The following MSTO1 variants were observed in gnomAD, a reference collection of about 807,000 sequenced individuals.
The protein encoded by MSTO1 is protein misato homolog 1.
MSTO1 carries 24 observed loss-of-function variants against 55.7 expected under a neutral mutation model. The observed-to-expected ratio is 0.43, with a 90% confidence interval of 0.31 to 0.61. The LOEUF (loss-of-function observed/expected upper bound fraction) is 0.61. Among genes scored for constraint, MSTO1 ranks in the 20% least tolerant of loss-of-function variants. The pLI is 0.09. For synonymous variants in MSTO1, 162 were observed against 252.8 expected (o/e 0.64, Z 3.41); for missense variants, 363 against 625.7 (o/e 0.58, Z 4.48).
chr1:155,569,951 G>A, the MSTO1 span, among the ~76,000 whole-genome samples: 2 of 152,042 alleles, frequency 1.3e-5, no homozygotes, highest in African/African-American at 2.4e-5. Context: ...CAATATTATT[G>A]ATATTGCTAA....
At chr1:155,600,128 C>A in the MSTO1 span, among the ~76,000 whole-genome samples, 3 of 152,210 alleles carry the variant, frequency 2.0e-5, no homozygotes, top group East Asian at 1.9e-4. Flanking sequence ...TCCCTTCCCA[C>A]GAGGCCATAT....
chr1:155,604,511 G>T, the MSTO1 span, among the ~76,000 whole-genome samples: 4 of 152,196 alleles, frequency 2.6e-5, no homozygotes, highest in African/African-American at 9.7e-5. Context: ...GAATGGAAAT[G>T]AGAAAGTAAT....
chr1:155,565,312 GAAAAA>G, the MSTO1 span, among the ~76,000 whole-genome samples: 1 of 146,064 alleles, frequency 6.8e-6, no homozygotes. Context: ...AAAAAAAAAA[GAAAAA>G]GAAAAGAAAT....
upstream of MSTO1, among the ~76,000 whole-genome samples, chr1:155,608,974 C>A (rs1571203509): frequency 6.7e-6 from 1 of 148,538 alleles, no homozygotes; most frequent in African/African-American, 2.5e-5. Context: ...CAAGGGCCCG[C>A]CACCACGCCC....
chr1:155,610,369 C>T (rs1673572098), intron 1 of MSTO1, 37 bp downstream of exon 1: 1 of 805,662 alleles, frequency 1.2e-6, no homozygotes, highest in Middle Eastern at 3.7e-4. Flanking sequence ...AGGAGCCCTT[C>T]GGGATCTACA....
chr1:155,602,215 A>T, the MSTO1 span: 1 of 629,986 alleles, frequency 1.6e-6, no homozygotes, highest in Non-Finnish European at 3.1e-6. Context: ...TTTGTGGCTC[A>T]CACCTGTAAT....
upstream of MSTO1, among the ~76,000 whole-genome samples, chr1:155,609,221 A>T (rs1183106123): frequency 2.6e-5 from 2 of 78,278 alleles, no homozygotes; most frequent in Non-Finnish European, 4.5e-5. Context: ...TCAGCAGTAT[A>T]TATATATATA....
At chr1:155,590,798 G>A in the MSTO1 span, 3 of 1,606,160 alleles carry the variant, frequency 1.9e-6, no homozygotes, top group African/African-American at 4.0e-5. Flanking sequence ...TCCCACTTTT[G>A]GGCCTCAGCC....
the MSTO1 span, among the ~76,000 whole-genome samples, chr1:155,583,032 A>G: frequency 1.3e-5 from 2 of 150,838 alleles, no homozygotes; most frequent in Non-Finnish European, 3.0e-5. Context: ...TGCCTGGCAA[A>G]TTAAAAAAAA....
chr1:155,571,820 G>A, the MSTO1 span, among the ~76,000 whole-genome samples: 1 of 152,002 alleles, frequency 6.6e-6, no homozygotes, highest in Non-Finnish European at 1.5e-5. Flanking sequence ...GGCCGAGGAG[G>A]GCAGATCACT....
chr1:155,602,816 G>A, the MSTO1 span, among the ~76,000 whole-genome samples: 1 of 151,732 alleles, frequency 6.6e-6, no homozygotes, highest in South Asian at 2.1e-4. Flanking sequence ...CCAATCCCTC[G>A]CAAGCACATT....
the MSTO1 span, among the ~76,000 whole-genome samples, chr1:155,593,470 A>G: frequency 6.6e-5 from 10 of 152,222 alleles, no homozygotes; most frequent in Non-Finnish European, 1.5e-4. Context: ...CTGGTTCACC[A>G]TCTACTAACT....
chr1:155,600,226 T>C, the MSTO1 span, among the ~76,000 whole-genome samples: 1 of 152,242 alleles, frequency 6.6e-6, no homozygotes, highest in East Asian at 1.9e-4. Context: ...GTTTTGTGTC[T>C]CTGGGTACTT....
chr1:155,567,903 G>A, the MSTO1 span, among the ~76,000 whole-genome samples: 1 of 151,544 alleles, frequency 6.6e-6, no homozygotes, highest in African/African-American at 2.4e-5. Flanking sequence ...TGGGCATGGT[G>A]GTGGGCGCGT....
the MSTO1 span, chr1:155,602,122 C>G: frequency 4.2e-6 from 3 of 710,678 alleles, no homozygotes; most frequent in South Asian, 4.1e-5. Flanking sequence ...CCAACTACAA[C>G]AAACAGCGCT....
upstream of MSTO1, among the ~76,000 whole-genome samples, chr1:155,607,765 G>T (rs1212084168): frequency 2.0e-5 from 3 of 152,250 alleles, no homozygotes; most frequent in Non-Finnish European, 4.4e-5. Flanking sequence ...TATTTTGGGA[G>T]GCCGAAGTGG....
chr1:155,610,614 G>GTTGCCGTTATCTTCAAGACCC (rs1448796123), intron 2 of MSTO1, 54 bp downstream of exon 2: 2 of 1,341,112 alleles, frequency 1.5e-6, no homozygotes, highest in Non-Finnish European at 2.1e-6. Flanking sequence ...CGCGTGCCTA[G>GTTGCCGTTATCTTCAAGACCC]TCCTTGCGCT....
At chr1:155,565,188 G>T in the MSTO1 span, among the ~76,000 whole-genome samples, 2 of 151,688 alleles carry the variant, frequency 1.3e-5, no homozygotes, top group Admixed American at 1.3e-4. Flanking sequence ...CCACCTACTT[G>T]GTAGGCTGAG....
upstream of MSTO1, among the ~76,000 whole-genome samples, chr1:155,605,431 G>T (rs1051390388): frequency 6.6e-6 from 1 of 152,048 alleles, no homozygotes; most frequent in Non-Finnish European, 1.5e-5. Context: ...AAAAAATATG[G>T]CTTACCAATA....
Sources: allele counts gnomAD v4.1 joint callset (sites outside exome capture counted in the v4.1 genomes callset), GRCh38; gene constraint gnomAD v4.1.1; transcripts MANE v1.5; gene names NCBI Gene and HGNC (gene_info 2026-07-23, HGNC 2026-07-21).